AKR1D1: variants seen among roughly 807,000 people sequenced by gnomAD.
AKR1D1 encodes the protein delta(4)-3-ketosteroid 5-beta-reductase.
Under a neutral mutation model 42.6 loss-of-function variants are expected in AKR1D1, and 32 were observed. The ratio of observed to expected loss-of-function variants is 0.75; its 90% CI spans 0.57 to 1.01. The LOEUF (loss-of-function observed/expected upper bound fraction) is 1.01, where lower values mean the gene tolerates loss of function less well. Among genes scored for constraint, AKR1D1 ranks in the 50% least tolerant of loss-of-function variants. The probability of loss-of-function intolerance (pLI) is 0.00; values close to 1 mark genes in which losing one functional copy is unlikely to be tolerated. For synonymous variants in AKR1D1, 123 were observed against 135.5 expected (o/e 0.91, Z 0.64); for missense variants, 364 against 402.2 (o/e 0.91, Z 0.81).
chr7:138,089,953 T>G (rs1011691531), intron 2 of AKR1D1, among the ~76,000 whole-genome samples: 1 of 152,122 alleles, frequency 6.6e-6, no homozygotes, highest in Non-Finnish European at 1.5e-5. Flanking sequence ...GGACCTCAAT[T>G]TTTTTTCTCT....
At chr7:138,091,665 C>CAA (rs112737566) in intron 2 of AKR1D1, 103 bp from the exon 3 acceptor site, 15,366 of 757,596 alleles carry the variant, frequency 0.02, 34 homozygotes, top group African/African-American at 0.047. Context: ...CCCCCCATCT[C>CAA]AAAAAAAAAA....
At chr7:138,101,668 T>C (rs1381150133) in intron 4 of AKR1D1, among the ~76,000 whole-genome samples, 4 of 152,068 alleles carry the variant, frequency 2.6e-5, no homozygotes, top group Admixed American at 1.3e-4. Flanking sequence ...CAACACACAA[T>C]TGGAAATTAT....
Position 138,097,872 on chromosome 7 carries a change from G to C in AKR1D1, c.385G>C (p.Asp129His). The C allele has an allele frequency of 6.3e-7, 1 of 1,586,558 alleles. No homozygotes were observed. Among genetic ancestry groups the C allele is most frequent in the Non-Finnish European group, 8.6e-7 (1 of 1,163,516 alleles). Reference protein sequence around the residue: ...IEVPMAFKPGDEIYPRDENGK... With the variant: ...IEVPMAFKPGHEIYPRDENGK... ...CTTTTTTTTTTTTTTTCAGCCAGGA[G>C]ATGAAATATACCCTAGAGATGAGAA... Residue 129 changes from aspartate (D) to histidine (H), a missense_variant, in exon 4 of 9, where the codon GAT becomes CAT. By Grantham distance (81) the Asp-to-His change is moderately conservative. Coordinates refer to ENST00000242375, the MANE Select transcript of AKR1D1 (RefSeq NM_005989.4).
intron 2 of AKR1D1, chr7:138,091,350 G>A (rs1014702320): frequency 1.2e-5 from 3 of 251,184 alleles, no homozygotes; most frequent in Non-Finnish European, 2.3e-5. Flanking sequence ...GGAAGAGGAC[G>A]GCTTTCCCTG....
chr7:138,091,747 C>G, intron 2 of AKR1D1, 21 bp from the exon 3 acceptor site: 1 of 1,541,798 alleles, frequency 6.5e-7, no homozygotes, highest in Non-Finnish European at 9.0e-7. Context: ...TTAGTTAATT[C>G]TCCCTCTTTG....
chr7:138,107,361 C>T, intron 6 of AKR1D1, 54 bp from the exon 7 acceptor site: 1 of 1,582,736 alleles, frequency 6.3e-7, no homozygotes, highest in Non-Finnish European at 8.7e-7. Flanking sequence ...GGTTTATTAA[C>T]CTTTGGTTCT....
chr7:138,083,675 T>A (rs528618851), intron 1 of AKR1D1, among the ~76,000 whole-genome samples: 2 of 152,212 alleles, frequency 1.3e-5, no homozygotes, highest in South Asian at 4.1e-4. Context: ...CCCAATGTCA[T>A]GATGCTTTTT....
chr7:138,104,396 G>T (rs1302459689), intron 4 of AKR1D1, among the ~76,000 whole-genome samples: 2 of 151,780 alleles, frequency 1.3e-5, no homozygotes. Flanking sequence ...ACATATACCA[G>T]AATGTTTATA....
At chr7:138,094,539 G>C (rs1191476305) in intron 3 of AKR1D1, among the ~76,000 whole-genome samples, 1 of 151,934 alleles carries the variant, frequency 6.6e-6, no homozygotes, top group Non-Finnish European at 1.5e-5. Flanking sequence ...AAAAGAGTGG[G>C]GGGGCAGTCT....
At chr7:138,080,904 G>T (rs1272568954) in intron 1 of AKR1D1, among the ~76,000 whole-genome samples, 1 of 152,148 alleles carries the variant, frequency 6.6e-6, no homozygotes, top group Admixed American at 6.5e-5. Context: ...AGAGGTCTGA[G>T]CCACCACACC....
At chr7:138,111,067 T>C (rs1183094474) in intron 7 of AKR1D1, among the ~76,000 whole-genome samples, 2 of 152,154 alleles carry the variant, frequency 1.3e-5, no homozygotes, top group African/African-American at 2.4e-5. Context: ...TCTTGTCCTA[T>C]ATATTTCAGC....
At chr7:138,097,531 C>T (rs2117444777) in intron 3 of AKR1D1, among the ~76,000 whole-genome samples, 1 of 152,254 alleles carries the variant, frequency 6.6e-6, no homozygotes, top group East Asian at 1.9e-4. Context: ...AAAGGCTGTC[C>T]CAGCAGGGGG....
intron 1 of AKR1D1, 38 bp from the exon 2 acceptor site, chr7:138,088,563 T>TA (rs1476435832): frequency 2.5e-6 from 4 of 1,609,244 alleles, no homozygotes; most frequent in Non-Finnish European, 3.4e-6. Flanking sequence ...GAAAGACCAT[T>TA]TCTCTTTTCC....
chr7:138,078,566 T>C (rs1802988740), intron 1 of AKR1D1, among the ~76,000 whole-genome samples: 1 of 152,364 alleles, frequency 6.6e-6, no homozygotes, highest in Admixed American at 6.5e-5. Flanking sequence ...AATGTCTCTT[T>C]ATGATCTCAT....
chr7:138,089,984 T>C (rs915122869), intron 2 of AKR1D1, among the ~76,000 whole-genome samples: 8 of 152,094 alleles, frequency 5.3e-5, no homozygotes, highest in Admixed American at 5.2e-4. Context: ...GATAATAATG[T>C]CAACTATTTC....
rs752159103 is a variant in AKR1D1 at position 138,117,244 on chromosome 7, T to C, written c.*582T>C. On this transcript the variant is annotated 3_prime_UTR_variant, in exon 9 of 9. Transcript: ENST00000242375. ...AAAGCCATCATAATGTTGGTGTTTG[T>C]TTCCCTCCAATGTATGTATGTTTAG... is the stretch of plus-strand genomic sequence containing the variant. 2.6e-5 allele frequency: 4 copies of C among 153,250 alleles called. No homozygotes were observed. Among genetic ancestry groups the C allele is most frequent in the African/African-American group, 4.8e-5 (2 of 41,456 alleles). The allele number at this position is 153,250 out of a possible 1,614,324, so 9.5% of individuals were successfully genotyped here. A position where few individuals can be genotyped will look rare whatever the true frequency, so the allele number is the denominator to read the frequency against.
chr7:138,098,932 T>C, intron 4 of AKR1D1, among the ~76,000 whole-genome samples: 1 of 152,080 alleles, frequency 6.6e-6, no homozygotes, highest in East Asian at 1.9e-4. Flanking sequence ...CAGGACTCAG[T>C]TGTAGAGCAG....
chr7:138,115,249 C>A (rs1434343292), intron 8 of AKR1D1, among the ~76,000 whole-genome samples: 1 of 152,070 alleles, frequency 6.6e-6, no homozygotes, highest in African/African-American at 2.4e-5. Flanking sequence ...TCGACACCAG[C>A]CTGGACAACA....
chr7:138,084,919 G>A (rs1585721428), intron 1 of AKR1D1, among the ~76,000 whole-genome samples: 1 of 151,954 alleles, frequency 6.6e-6, no homozygotes, highest in Non-Finnish European at 1.5e-5. Flanking sequence ...AGCTGGGCTT[G>A]GTGGCACACA....
Sources: gnomAD v4.1 joint callset for allele counts (sites outside exome capture counted in the v4.1 genomes callset) on GRCh38, gnomAD v4.1.1 for gene constraint, MANE v1.5 for transcripts, NCBI Gene and HGNC (gene_info 2026-07-23, HGNC 2026-07-21) for gene names.